The following ADAMTS17 variants were observed in gnomAD, a reference collection of about 807,000 sequenced individuals.
ADAMTS17 encodes the protein A disintegrin and metalloproteinase with thrombospondin motifs 17.
ADAMTS17 carries 113 observed loss-of-function variants against 141.5 expected under a neutral mutation model. The observed-to-expected ratio is 0.80, with a 90% CI of 0.69 to 0.93. ADAMTS17 has a LOEUF of 0.93. ADAMTS17 is among the 40% of genes least tolerant of loss of function. The pLI is 0.00. For synonymous variants in ADAMTS17, 768 were observed against 630.6 expected, an observed-to-expected ratio of 1.22 and a Z score of -3.27; for missense variants, 1,659 against 1,517.9, an observed-to-expected ratio of 1.09 and a Z score of -1.54.
At chr15:100,271,963 T>C (rs1444506259) in intron 4 of ADAMTS17, among the ~76,000 whole-genome samples, 1 of 152,202 alleles carries the variant, frequency 6.6e-6, no homozygotes, top group Non-Finnish European at 1.5e-5. Context: ...CACCAGTTCT[T>C]GAAAAGACTG....
chr15:100,300,404 G>A (rs773568166), intron 3 of ADAMTS17, among the ~76,000 whole-genome samples: 1 of 152,172 alleles, frequency 6.6e-6, no homozygotes, highest in Non-Finnish European at 1.5e-5. Flanking sequence ...AAAACGACCT[G>A]CCCAGAAAAT....
Position 99,997,701 on chromosome 15 carries a change from C to G in ADAMTS17, c.2592-112G>C, listed in dbSNP as rs1207677756. The G allele has an allele frequency of 7.3e-7, 1 of 1,369,966 alleles. No individual in the cohort carries two copies. Among genetic ancestry groups the G allele is most frequent in the East Asian group, 2.3e-5 (1 of 42,924 alleles). The allele number at this position is 1,369,966 out of a possible 1,614,324, so 84.9% of individuals were successfully genotyped here. A position where few individuals can be genotyped will look rare whatever the true frequency, so the allele number is the denominator to read the frequency against. The stretch of plus-strand genomic sequence containing the variant: ...TGCCCTGTGGTGGGAGAGAGGGAGG[C>G]AGACTCAGGAAGCTTTTCAGCCAAC... On this transcript the variant is annotated intron_variant, in intron 18 of 21. Coordinates refer to ENST00000268070, the MANE Select transcript of ADAMTS17 (RefSeq NM_139057.4). The surrounding 1 kb of genome is among the most constrained non-coding windows in gnomAD (Gnocchi z 4.7).
At chr15:100,290,082 T>C (rs1300670806) in intron 3 of ADAMTS17, among the ~76,000 whole-genome samples, 1 of 152,122 alleles carries the variant, frequency 6.6e-6, no homozygotes, top group African/African-American at 2.4e-5. Flanking sequence ...CCATCTCTGC[T>C]TGCAGACGTT....
At chr15:100,104,031 T>C (rs1386569975) in intron 14 of ADAMTS17, among the ~76,000 whole-genome samples, 6 of 152,182 alleles carry the variant, frequency 3.9e-5, no homozygotes, top group Non-Finnish European at 8.8e-5. Context: ...CAAATTATGG[T>C]ACCAAGGAAG....
At chr15:100,237,741 C>T (rs894433185) in intron 7 of ADAMTS17, among the ~76,000 whole-genome samples, 14 of 152,064 alleles carry the variant, frequency 9.2e-5, no homozygotes, top group Middle Eastern at 3.2e-3. Flanking sequence ...CTCCTGTCTC[C>T]GCCTCCCAAG....
At chr15:100,250,342 A>T (rs924238681) in intron 7 of ADAMTS17, among the ~76,000 whole-genome samples, 3 of 152,204 alleles carry the variant, frequency 2.0e-5, no homozygotes, top group African/African-American at 7.2e-5. Context: ...AGAACTCAAG[A>T]CACAGCATCT....
intron 18 of ADAMTS17, among the ~76,000 whole-genome samples, chr15:100,011,903 T>C (rs982392789): frequency 9.8e-5 from 15 of 152,362 alleles, no homozygotes; most frequent in Admixed American, 5.9e-4. Context: ...TGTGGGTACA[T>C]ACCCAGTGGT....
chr15:100,338,841 G>A (rs1182609680), intron 2 of ADAMTS17, among the ~76,000 whole-genome samples: 3 of 152,168 alleles, frequency 2.0e-5, no homozygotes, highest in African/African-American at 7.2e-5. Context: ...TCAGCCACCT[G>A]AACTGAGAAC....
At chr15:100,328,196 A>T (rs1258475454) in intron 3 of ADAMTS17, among the ~76,000 whole-genome samples, 2 of 152,174 alleles carry the variant, frequency 1.3e-5, no homozygotes, top group African/African-American at 4.8e-5. Flanking sequence ...AGATTAGGAA[A>T]CTTCTAGGAA....
chr15:100,109,010 G>A lies in ADAMTS17; in HGVS notation c.1995C>T (p.Leu665=), dbSNP rs776029458. The change falls in exon 14 of 22, where the codon CTC becomes CTT. Residue 665 remains leucine (L), a synonymous_variant. Transcript: ENST00000268070. The part of the protein sequence containing the change: ...GTPCGPYETD[L]CVHGKCQKIG... ...TCACCTGGCACTTGCCGTGCACGCA[G>A]AGATCAGTCTCGTAGGGCCCGCAGG... 5 of 1,614,130 alleles carry A rather than the reference G, an allele frequency of 3.1e-6. No homozygotes were observed. Among genetic ancestry groups the A allele is most frequent in the East Asian group, 2.2e-5 (1 of 44,874 alleles).
intron 7 of ADAMTS17, among the ~76,000 whole-genome samples, chr15:100,245,007 T>C (rs1187230573): frequency 6.6e-6 from 1 of 152,200 alleles, no homozygotes; most frequent in Non-Finnish European, 1.5e-5. Context: ...ATTGCATGAC[T>C]AGAGTAAGAG....
chr15:99,983,729 G>A (rs1298121702), intron 20 of ADAMTS17, among the ~76,000 whole-genome samples: 1 of 152,110 alleles, frequency 6.6e-6, no homozygotes, highest in African/African-American at 2.4e-5. Flanking sequence ...GTGAAATCAT[G>A]CAAGGCTGAA....
At chr15:100,152,544 A>C in intron 10 of ADAMTS17, 68 bp downstream of exon 10, 1 of 1,602,104 alleles carries the variant, frequency 6.2e-7, no homozygotes, top group South Asian at 1.1e-5. Flanking sequence ...CTCCAGCAGA[A>C]GCCAGACCTG....
intron 18 of ADAMTS17, among the ~76,000 whole-genome samples, chr15:100,005,350 C>T (rs968085927): frequency 6.6e-6 from 1 of 152,192 alleles, no homozygotes; most frequent in Non-Finnish European, 1.5e-5. Flanking sequence ...TCTCTCAAAT[C>T]TAAAACCAGG....
At chr15:100,237,529 C>T (rs942769667) in intron 7 of ADAMTS17, among the ~76,000 whole-genome samples, 3 of 152,228 alleles carry the variant, frequency 2.0e-5, no homozygotes, top group African/African-American at 4.8e-5. Flanking sequence ...AGGCATTGTG[C>T]AGGAGGGACT....
At chr15:100,046,552 C>T (rs570208789) in intron 18 of ADAMTS17, among the ~76,000 whole-genome samples, 28 of 152,262 alleles carry the variant, frequency 1.8e-4, no homozygotes, top group Middle Eastern at 3.4e-3. Flanking sequence ...ACGGAGGGAC[C>T]GGCTGAAGCC....
intron 6 of ADAMTS17, among the ~76,000 whole-genome samples, chr15:100,257,391 AT>A (rs751666314): frequency 1.3e-5 from 2 of 152,196 alleles, no homozygotes; most frequent in Non-Finnish European, 2.9e-5. Context: ...GAGATCTTCA[AT>A]TTAACATCTG....
intron 7 of ADAMTS17, among the ~76,000 whole-genome samples, chr15:100,216,804 A>C (rs947273661): frequency 2.0e-5 from 3 of 152,172 alleles, no homozygotes; most frequent in African/African-American, 7.2e-5. Context: ...CTCTTCACAA[A>C]ACTTTTTCAG....
Position 100,152,706 on chromosome 15 carries a change from C to T in ADAMTS17, c.1379G>A (p.Arg460His), listed in dbSNP as rs202127016. 4.2e-5 allele frequency: 68 copies of T among 1,614,066 alleles called. No individual in the cohort carries two copies. Among genetic ancestry groups the T allele is most frequent in the East Asian group, 2.0e-4 (9 of 44,890 alleles). Reference protein sequence around the residue: ...VTDPRSQHTVRLPHKLPGMHY... With the variant: ...VTDPRSQHTVHLPHKLPGMHY... Reference sequence around the variant, plus strand: ...CATGCCCGGCAGCTTGTGCGGGAGGCGTACTGTGTGCTGGCTTCTGGGGTC... The same window carrying T: ...CATGCCCGGCAGCTTGTGCGGGAGGTGTACTGTGTGCTGGCTTCTGGGGTC... Residue 460 changes from arginine (R) to histidine (H), a missense_variant, in exon 10 of 22, where the codon CGC becomes CAC. Transcript: ENST00000268070.
Sources: allele counts gnomAD v4.1 joint callset (sites outside exome capture counted in the v4.1 genomes callset), GRCh38; gene constraint gnomAD v4.1.1; non-coding constraint Gnocchi (gnomAD v3.1); transcripts MANE v1.5; gene names NCBI Gene and HGNC (gene_info 2026-07-23, HGNC 2026-07-21).